CTNNA2: variants seen among roughly 807,000 people sequenced by gnomAD.
CTNNA2 encodes the protein catenin alpha-2.
Under a neutral mutation model 101.0 loss-of-function variants are expected in CTNNA2, and 42 were observed. The observed-to-expected ratio is 0.42, with a 90% CI of 0.32 to 0.54. The LOEUF (loss-of-function observed/expected upper bound fraction) is 0.54, where lower values mean the gene tolerates loss of function less well. Ranked by LOEUF, CTNNA2 falls within the 20% of genes least tolerant of loss-of-function variation. CTNNA2 has a pLI of 0.14. For missense variants in CTNNA2, 871 were observed against 1,223.1 expected, an observed-to-expected ratio of 0.71 and a Z score of 4.29; for synonymous variants, 450 against 456.4, an observed-to-expected ratio of 0.99 and a Z score of 0.18.
Position 80,489,195 on chromosome 2 carries a change from A to G in CTNNA2, c.1291-55787A>G, listed in dbSNP as rs536593602. On this transcript the variant is annotated intron_variant, in intron 9 of 18. Transcript: ENST00000402739. Reference sequence around the variant, plus strand: ...ATGGACATTTCTGCAGGTCTTTTTCATACATTTCCCGTAGAAATCTTTTAA... The same window carrying G: ...ATGGACATTTCTGCAGGTCTTTTTCGTACATTTCCCGTAGAAATCTTTTAA... Among the ~76,000 whole-genome samples the G allele has an allele frequency of 2.0e-4, 31 of 152,302 alleles. No homozygotes were observed. In the East Asian group the frequency reaches 2.1e-3, roughly 10 times the overall value.
At position 79,394,218 on chromosome 2, in the gene CTNNA2, G is replaced by A. The variant is rs530782365; in HGVS notation, c.-135+20205G>A. On this transcript the variant is annotated intron_variant, in intron 4 of 21. Coordinates refer to the CTNNA2 transcript ENST00000466387. Reference sequence around the variant, plus strand: ...TCTTTTTGTTTGTTTGTTTGTTTTCGTTTCTCTCTGACAATCACTGAGTTT... The same window carrying A: ...TCTTTTTGTTTGTTTGTTTGTTTTCATTTCTCTCTGACAATCACTGAGTTT... 8.0e-5 allele frequency among the ~76,000 whole-genome samples: 12 copies of A among 150,794 alleles called. No homozygotes were observed. In the South Asian group the frequency reaches 8.3e-4, roughly 10 times the overall value.
chr2:80,246,657 T>C (rs889331201), intron 7 of CTNNA2, among the ~76,000 whole-genome samples: 1 of 152,178 alleles, frequency 6.6e-6, no homozygotes, highest in Non-Finnish European at 1.5e-5. Context: ...ATGTCATAAA[T>C]TTGATGTTGC....
chr2:79,989,242 A>G (rs1275573910), intron 7 of CTNNA2, among the ~76,000 whole-genome samples: 2 of 152,240 alleles, frequency 1.3e-5, no homozygotes, highest in Non-Finnish European at 2.9e-5. Context: ...TGTTGGGTCT[A>G]TTCCCAATGC....
At chr2:79,644,825 C>CT (rs1214427594) in intron 1 of CTNNA2, among the ~76,000 whole-genome samples, 3 of 152,124 alleles carry the variant, frequency 2.0e-5, no homozygotes, top group African/African-American at 7.2e-5. Context: ...GCTGGCTCCT[C>CT]TTTTTTTCAT....
intron 2 of CTNNA2, among the ~76,000 whole-genome samples, chr2:79,287,657 C>G (rs1438579912): frequency 2.0e-5 from 3 of 151,814 alleles, no homozygotes; most frequent in Non-Finnish European, 4.4e-5. Flanking sequence ...TCAAAGCTGT[C>G]AGACAGGGAC....
chr2:80,159,181 T>C (rs935613731), intron 7 of CTNNA2, among the ~76,000 whole-genome samples: 1 of 152,208 alleles, frequency 6.6e-6, no homozygotes, highest in African/African-American at 2.4e-5. Context: ...GTTTAGTTTT[T>C]AGTTTTGTTT....
Position 79,955,326 on chromosome 2 carries a change from G to A in CTNNA2, c.1056+45529G>A, listed in dbSNP as rs1689147055. ...CAGAAAAAAATTAAAACAATGAAGGGGAGTTTCGTGTTATGCTTTTGTAGT... is the reference window on the plus strand; with the variant it reads ...CAGAAAAAAATTAAAACAATGAAGGAGAGTTTCGTGTTATGCTTTTGTAGT... On this transcript the variant is annotated intron_variant, in intron 7 of 18. Transcript: ENST00000402739. 3.3e-5 allele frequency among the ~76,000 whole-genome samples: 5 copies of A among 152,112 alleles called. 1 individual carries two copies. The South Asian group carries it at 1.0e-3, about 32-fold the overall frequency.
At chr2:80,162,850 T>C in intron 7 of CTNNA2, 1 of 1,595,524 alleles carries the variant, frequency 6.3e-7, no homozygotes, top group Non-Finnish European at 8.6e-7. Context: ...GAGAAAGATC[T>C]CTGAATTATC....
At chr2:79,578,968 T>C (rs1422612471) in intron 1 of CTNNA2, among the ~76,000 whole-genome samples, 3 of 152,174 alleles carry the variant, frequency 2.0e-5, no homozygotes, top group South Asian at 2.1e-4. Context: ...TGTTTGGTAT[T>C]CCTGTCATAT....
chr2:80,441,509 T>C (rs1682571776), intron 9 of CTNNA2, among the ~76,000 whole-genome samples: 1 of 152,054 alleles, frequency 6.6e-6, no homozygotes. Flanking sequence ...TCATGTTGGG[T>C]TGCAAAAAAA....
chr2:80,237,671 A>G (rs1442153859), intron 7 of CTNNA2, among the ~76,000 whole-genome samples: 2 of 152,190 alleles, frequency 1.3e-5, no homozygotes, highest in Non-Finnish European at 2.9e-5. Context: ...ACCCTGGGCA[A>G]CAAGACTTTA....
At chr2:79,531,755 C>T (rs1486453612) in intron 1 of CTNNA2, among the ~76,000 whole-genome samples, 1 of 151,434 alleles carries the variant, frequency 6.6e-6, no homozygotes, top group South Asian at 2.1e-4. Context: ...GATCTCGGCT[C>T]ACTGCAACCT....
At chr2:79,203,638 C>T (rs947048584) in intron 2 of CTNNA2, among the ~76,000 whole-genome samples, 3 of 152,146 alleles carry the variant, frequency 2.0e-5, no homozygotes, top group African/African-American at 7.2e-5. Flanking sequence ...AAATCAAATG[C>T]AAAAATGTTT....
chr2:80,597,505 A>G (rs1421102245), intron 15 of CTNNA2, among the ~76,000 whole-genome samples: 1 of 152,242 alleles, frequency 6.6e-6, no homozygotes, highest in African/African-American at 2.4e-5. Flanking sequence ...GCTTCTCCAC[A>G]GCAAAAGAAA....
At chr2:79,561,739 G>T (rs1250145136) in intron 1 of CTNNA2, among the ~76,000 whole-genome samples, 2 of 151,714 alleles carry the variant, frequency 1.3e-5, no homozygotes, top group Admixed American at 1.3e-4. Context: ...CATGTACTTG[G>T]TGGCCCTCAT....
At chr2:79,930,866 G>A (rs2104420514) in intron 7 of CTNNA2, among the ~76,000 whole-genome samples, 1 of 152,268 alleles carries the variant, frequency 6.6e-6, no homozygotes, top group South Asian at 2.1e-4. Flanking sequence ...GAATATCCCT[G>A]GCTTGTTAAG....
chr2:79,996,012 A>G (rs566806259), intron 7 of CTNNA2, among the ~76,000 whole-genome samples: 1 of 152,272 alleles, frequency 6.6e-6, no homozygotes, highest in Non-Finnish European at 1.5e-5. Context: ...TTGCAGGCTT[A>G]TTCTGGATTG....
chr2:79,601,249 A>T (rs1449258217), intron 1 of CTNNA2, among the ~76,000 whole-genome samples: 1 of 152,216 alleles, frequency 6.6e-6, no homozygotes, highest in East Asian at 1.9e-4. Context: ...ACATAACCCA[A>T]GATAAGCACT....
rs137884220 is a variant in CTNNA2, at chr2:79,947,547, T to G, written c.1056+37750T>G. ...AACCAAAAAATACCTAGGATTTGCA[T>G]TGCCATTGAACAGATAAACCATTAG... On this transcript the variant is annotated intron_variant, in intron 7 of 18. Transcript: ENST00000402739. Among the ~76,000 whole-genome samples the G allele has an allele frequency of 2.2e-4, 33 of 152,358 alleles. No homozygotes were observed. The East Asian group carries it at 6.4e-3, about 29-fold the overall frequency.
Sources: gnomAD v4.1 joint callset for allele counts (sites outside exome capture counted in the v4.1 genomes callset) on GRCh38, gnomAD v4.1.1 for gene constraint, MANE v1.5 for transcripts, NCBI Gene and HGNC (gene_info 2026-07-23, HGNC 2026-07-21) for gene names.